ABI2: variants seen among roughly 807,000 people sequenced by gnomAD.
ABI2 encodes the protein abelson interactor 2.
A neutral mutation model predicts 59.2 loss-of-function variants in ABI2; 25 were observed. The ratio of observed to expected loss-of-function variants is 0.42; its 90% CI spans 0.31 to 0.59. The LOEUF is 0.59. Among genes scored for constraint, ABI2 ranks in the 20% least tolerant of loss-of-function variants. The probability of loss-of-function intolerance (pLI) is 0.14; values close to 1 mark genes in which losing one functional copy is unlikely to be tolerated. For synonymous variants in ABI2, 213 were observed against 235.5 expected, an observed-to-expected ratio of 0.90 and a Z score of 0.87; for missense variants, 545 against 681.8, an observed-to-expected ratio of 0.80 and a Z score of 2.23.
intron 1 of ABI2, among the ~76,000 whole-genome samples, chr2:203,348,779 C>T (rs1407782274): frequency 1.3e-5 from 2 of 152,086 alleles, no homozygotes; most frequent in Non-Finnish European, 2.9e-5. Context: ...TTATTAATAT[C>T]TGTCTCCAGA....
chr2:203,349,579 A>G (rs1048636526), intron 1 of ABI2, among the ~76,000 whole-genome samples: 3 of 151,658 alleles, frequency 2.0e-5, no homozygotes, highest in Non-Finnish European at 2.9e-5. Context: ...TAATTTTTGT[A>G]TTTTTAGTAA....
At chr2:203,359,413 T>C (rs145944651) in intron 1 of ABI2, among the ~76,000 whole-genome samples, 42 of 152,324 alleles carry the variant, frequency 2.8e-4, no homozygotes, top group African/African-American at 9.6e-4. Context: ...TTGTAGAATG[T>C]ACAAAGATCC....
chr2:203,427,604 A>C lies in ABI2; in HGVS notation c.*252A>C. 2.8e-6 allele frequency: 1 copy of C among 361,158 alleles called. No homozygotes were observed. The highest frequency in any genetic ancestry group is 5.1e-6 in the Non-Finnish European group (1 of 196,916). The allele number at this position is 361,158 out of a possible 1,614,324, so 22.4% of individuals were successfully genotyped here. On this transcript the variant is annotated 3_prime_UTR_variant, in exon 12 of 12. Coordinates refer to ENST00000261018, the MANE Select transcript of ABI2 (RefSeq NM_001375670.1). ...AAAATGACCATTTTTATGTATGTCA[A>C]AGGTATAACAGCATAACTGTGTAGC...
chr2:203,378,328 G>A (rs746234350), intron 2 of ABI2, among the ~76,000 whole-genome samples: 16 of 152,068 alleles, frequency 1.1e-4, no homozygotes, highest in East Asian at 1.9e-4. Flanking sequence ...AGCCAGGATG[G>A]TCTCGATCTC....
chr2:203,337,823 GA>G, intron 1 of ABI2, among the ~76,000 whole-genome samples: 1 of 152,252 alleles, frequency 6.6e-6, no homozygotes, highest in African/African-American at 2.4e-5. Context: ...CTGAGGTCAG[GA>G]GTTCAAGACC....
intron 11 of ABI2, among the ~76,000 whole-genome samples, chr2:203,418,074 A>AG (rs2097986725): frequency 6.6e-6 from 1 of 152,240 alleles, no homozygotes; most frequent in African/African-American, 2.4e-5. Flanking sequence ...ATCCAAAATA[A>AG]GGCACAGAGA....
At chr2:203,357,129 T>C (rs777305006) in intron 1 of ABI2, among the ~76,000 whole-genome samples, 1 of 152,228 alleles carries the variant, frequency 6.6e-6, no homozygotes, top group African/African-American at 2.4e-5. Context: ...ATATAAAATT[T>C]GTGATTTGTT....
rs539860341 is a variant in ABI2 at position 203,366,140 on chromosome 2, A to G, written c.118-737A>G. On this transcript the variant is annotated intron_variant, in intron 1 of 11. Coordinates refer to ENST00000261018, the MANE Select transcript of ABI2 (RefSeq NM_001375670.1). ...AGAATGAGTCTAACTGCATGTGTCA[A>G]CTTAATTTATTTTAAAAATTACTTA... is the stretch of plus-strand genomic sequence containing the variant. Among the ~76,000 whole-genome samples the G allele has an allele frequency of 7.9e-5, 12 of 152,210 alleles. 1 individual carries two copies. In the East Asian group the frequency reaches 2.3e-3, roughly 29 times the overall value.
At chr2:203,339,816 A>G (rs1282921787) in intron 1 of ABI2, among the ~76,000 whole-genome samples, 1 of 152,204 alleles carries the variant, frequency 6.6e-6, no homozygotes, top group Non-Finnish European at 1.5e-5. Flanking sequence ...CTGCATGCAC[A>G]GTTCTCCTTC....
At position 203,407,454 on chromosome 2, in the gene ABI2, A is replaced by G. The variant is rs572279129; in HGVS notation, c.1193-3831A>G. 9.2e-5 allele frequency among the ~76,000 whole-genome samples: 14 copies of G among 152,322 alleles called. No homozygotes were observed. The South Asian group carries it at 2.3e-3, about 25-fold the overall frequency. ...TTCTCAGAGTATTTATAAAGCTGTA[A>G]AAATAAGATGTAAAAGCTTAATTTT... On this transcript the variant is annotated intron_variant, in intron 9 of 11. Coordinates refer to ENST00000261018, the MANE Select transcript of ABI2 (RefSeq NM_001375670.1).
intron 1 of ABI2, among the ~76,000 whole-genome samples, chr2:203,362,477 GT>G (rs1281151233): frequency 1.3e-5 from 2 of 151,596 alleles, no homozygotes; most frequent in African/African-American, 2.4e-5. Context: ...TAAATATTGA[GT>G]TTTACTATAT....
rs1417410627 is a variant in ABI2 at position 203,367,008 on chromosome 2, A to G, written c.249A>G (p.Leu83=). 2.5e-6 allele frequency: 4 copies of G among 1,613,928 alleles called. No individual in the cohort carries two copies. The African/African-American group carries it at 4.0e-5, about 16-fold the overall frequency. ...LQMLDIQASQ[L]RRMESSINHI... is the part of the protein sequence containing the mutation. ...TGCTGGATATCCAGGCATCCCAGCT[A>G]CGAAGGATGGAATCTTCAATCAATC... The change falls in exon 2 of 12, where the codon CTA becomes CTG. Residue 83 remains leucine (L), a synonymous_variant. Coordinates refer to ENST00000261018, the MANE Select transcript of ABI2 (RefSeq NM_001375670.1).
At chr2:203,371,958 C>T (rs573764918) in intron 2 of ABI2, among the ~76,000 whole-genome samples, 45 of 149,022 alleles carry the variant, frequency 3.0e-4, no homozygotes, top group African/African-American at 1.0e-3. Context: ...ATTGATCATT[C>T]TTGGGTGTTT....
intron 2 of ABI2, among the ~76,000 whole-genome samples, chr2:203,378,138 A>C (rs1238565576): frequency 6.8e-6 from 1 of 146,828 alleles, no homozygotes; most frequent in African/African-American, 2.5e-5. Flanking sequence ...TTTAAGATGG[A>C]GTCTCGCTCT....
Position 203,431,347 on chromosome 2 carries a change from CT to C in ABI2, c.*3998del, listed in dbSNP as rs2098481927. ...TCTTAACTAAATGTGCTGTATTTTT[CT>C]TTAAAAGTTAAGAGTTCTATTTGGT... On this transcript the variant is annotated 3_prime_UTR_variant, in exon 12 of 12. Transcript: ENST00000261018. The C allele has an allele frequency of 6.6e-6, 1 of 152,546 alleles. No individual in the cohort carries two copies. Among genetic ancestry groups the C allele is most frequent in the Non-Finnish European group, 1.5e-5 (1 of 68,012 alleles). 9.4% of individuals were successfully genotyped at this position (152,546 alleles called of 1,614,324 possible).
At chr2:203,367,835 C>G (rs1269906324) in intron 2 of ABI2, among the ~76,000 whole-genome samples, 1 of 151,752 alleles carries the variant, frequency 6.6e-6, no homozygotes, top group South Asian at 2.1e-4. Flanking sequence ...AAACCCTGTT[C>G]TCTACCAAAA....
intron 1 of ABI2, among the ~76,000 whole-genome samples, chr2:203,331,684 G>A (rs1004188387): frequency 4.0e-4 from 61 of 151,376 alleles, no homozygotes; most frequent in African/African-American, 1.3e-3. Context: ...ATAGCATCAT[G>A]TCTTAGCCAC....
At chr2:203,372,295 C>T (rs2095290075) in intron 2 of ABI2, among the ~76,000 whole-genome samples, 3 of 152,232 alleles carry the variant, frequency 2.0e-5, no homozygotes, top group Admixed American at 1.3e-4. Flanking sequence ...TTTCTTGGTA[C>T]AGAACAAAAT....
Position 203,394,716 on chromosome 2 carries a change from C to T in ABI2, c.595C>T (p.Arg199Cys), listed in dbSNP as rs1358079274. 1.2e-6 allele frequency: 2 copies of T among 1,614,008 alleles called. No individual in the cohort carries two copies. Among genetic ancestry groups the T allele is most frequent in the South Asian group, 1.1e-5 (1 of 91,052 alleles). Residue 199 changes from arginine to cysteine, a missense_variant, in exon 6 of 12, where the codon CGC becomes TGC. Physicochemically the swap from Arg to Cys is radical, Grantham distance 180 (BLOSUM62 -3). Around this residue, in one of 4 missense-constraint regions of ABI2, gnomAD observed 410 missense variants for 435.6 expected, o/e 0.94. Coordinates refer to ENST00000261018, the MANE Select transcript of ABI2 (RefSeq NM_001375670.1). ...KGTLGRHSPY[R>C]TLEPVRPPVV... ...TTTTTGTAGGCGGCACTCCCCCTAT[C>T]GCACACTGGAGCCAGTGCGTCCTCC... is the stretch of plus-strand genomic sequence containing the variant.
Sources: gnomAD v4.1 joint callset for allele counts (sites outside exome capture counted in the v4.1 genomes callset) on GRCh38, gnomAD v4.1.1 for gene constraint, gnomAD v4.1.1 regional missense constraint, MANE v1.5 for transcripts, NCBI Gene and HGNC (gene_info 2026-07-23, HGNC 2026-07-21) for gene names.